Variants in TOPAZ1 observed in about 807,000 individuals in gnomAD.
TOPAZ1 encodes the protein protein TOPAZ1.
A neutral mutation model predicts 172.2 loss-of-function variants in TOPAZ1; 66 were observed. The observed-to-expected ratio is 0.38, with a 90% CI of 0.31 to 0.47. The LOEUF (loss-of-function observed/expected upper bound fraction) is 0.47, where lower values mean the gene tolerates loss of function less well. Among genes scored for constraint, TOPAZ1 ranks in the 20% least tolerant of loss-of-function variants. The pLI is 0.99. For synonymous variants in TOPAZ1, 681 were observed against 683.9 expected, an observed-to-expected ratio of 1.00 and a Z score of 0.07; for missense variants, 1,822 against 1,972.4, an observed-to-expected ratio of 0.92 and a Z score of 1.44.
At chr3:44,276,196 A>G (rs1241292864) in intron 8 of TOPAZ1, among the ~76,000 whole-genome samples, 3 of 152,280 alleles carry the variant, frequency 2.0e-5, no homozygotes, top group East Asian at 3.9e-4. Flanking sequence ...GGTTTAATAT[A>G]GTCCCATTTG....
intron 19 of TOPAZ1, among the ~76,000 whole-genome samples, chr3:44,330,453 C>G (rs1168241696): frequency 6.6e-6 from 1 of 152,226 alleles, no homozygotes; most frequent in Non-Finnish European, 1.5e-5. Flanking sequence ...ACATTTACCT[C>G]TCTCTATGAG....
chr3:44,308,776 T>C (rs1700364577), intron 15 of TOPAZ1, among the ~76,000 whole-genome samples: 1 of 152,216 alleles, frequency 6.6e-6, no homozygotes, highest in Non-Finnish European at 1.5e-5. Flanking sequence ...TATTACATAG[T>C]ATGAATTTTT....
At chr3:44,255,629 G>A (rs970557685) in intron 3 of TOPAZ1, among the ~76,000 whole-genome samples, 1 of 144,022 alleles carries the variant, frequency 6.9e-6, no homozygotes, top group African/African-American at 2.6e-5. Flanking sequence ...TCCAGCCTGG[G>A]CAACAGTGCG....
intron 12 of TOPAZ1, among the ~76,000 whole-genome samples, chr3:44,292,319 C>T (rs1700146861): frequency 6.6e-6 from 1 of 152,142 alleles, no homozygotes; most frequent in Non-Finnish European, 1.5e-5. Flanking sequence ...TATAATTCAT[C>T]CAGCATGTAG....
chr3:44,282,425 TCCCTATA>T lies in TOPAZ1; in HGVS notation c.3436+396_3436+402del, dbSNP rs1373905052. On this transcript the variant is annotated intron_variant, in intron 9 of 19. Coordinates refer to ENST00000309765, the MANE Select transcript of TOPAZ1 (RefSeq NM_001145030.2). Reference sequence around the variant, plus strand: ...TACCATCCAGTAAGTTCTGTGCAGTTCCCTATACATGCCAGGCTGTGTTCAAACTTCA... The same window carrying T: ...TACCATCCAGTAAGTTCTGTGCAGTTCATGCCAGGCTGTGTTCAAACTTCA... Among the ~76,000 whole-genome samples the T allele has an allele frequency of 3.9e-5, 6 of 152,186 alleles. No individual in the cohort carries two copies. In the East Asian group the frequency reaches 1.2e-3, roughly 29 times the overall value.
chr3:44,307,006 T>G (rs1700343085), intron 15 of TOPAZ1, among the ~76,000 whole-genome samples: 1 of 152,122 alleles, frequency 6.6e-6, no homozygotes, highest in Admixed American at 6.6e-5. Context: ...GACACATTTC[T>G]TTGTTTGTGG....
rs567430359 is a variant in TOPAZ1, at chr3:44,243,955, G to A, written c.1449G>A (p.Gln483=). ...SASEELKLSC[Q]RTIPMTGKRT... ...CTGAAGAATTGAAGTTAAGCTGTCA[G>A]AGAACAATACCTATGACTGGTAAAA... Residue 483 remains glutamine (Q), a synonymous_variant, in exon 2 of 20, where the codon CAG becomes CAA. Transcript: ENST00000309765. The A allele has an allele frequency of 1.9e-6, 3 of 1,552,340 alleles. No individual in the cohort carries two copies. The highest frequency in any genetic ancestry group is 2.7e-5 in the African/African-American group (2 of 73,182).
At position 44,243,352 on chromosome 3, in the gene TOPAZ1, A is replaced by G; in HGVS notation, c.846A>G (p.Gln282=). 6.4e-7 allele frequency: 1 copy of G among 1,551,114 alleles called. No individual in the cohort carries two copies. The highest frequency in any genetic ancestry group is 1.2e-5 in the South Asian group (1 of 83,834). Residue 282 remains glutamine, a synonymous_variant, in exon 2 of 20, where the codon CAA becomes CAG. Coordinates refer to ENST00000309765, the MANE Select transcript of TOPAZ1 (RefSeq NM_001145030.2). ...CAAATAGTATTCCTCAGCTCTTACAAACAGAAGAAAATGTAATGGGAGTAA... is the reference window on the plus strand; with the variant it reads ...CAAATAGTATTCCTCAGCTCTTACAGACAGAAGAAAATGTAATGGGAGTAA... The part of the protein sequence containing the change: ...SDTNSIPQLL[Q]TEENVMGVNK...
chr3:44,246,578 C>T lies in TOPAZ1; in HGVS notation c.2765+1307C>T, dbSNP rs185971731. ...TTTTTTTAACCATGTAATGAGGTAG[C>T]CTGGTAATCTGCCTGTTTTGAAGAT... is the stretch of plus-strand genomic sequence containing the variant. On this transcript the variant is annotated intron_variant, in intron 2 of 19. Transcript: ENST00000309765. 4.1e-3 allele frequency among the ~76,000 whole-genome samples: 622 copies of T among 152,102 alleles called. 9 individuals are homozygous for T. Among genetic ancestry groups the T allele is most frequent in the African/African-American group, 0.014 (594 of 41,484 alleles).
chr3:44,323,395 G>T (rs1700562835), intron 18 of TOPAZ1, 100 bp downstream of exon 18: 1 of 696,096 alleles, frequency 1.4e-6, no homozygotes, highest in Non-Finnish European at 2.2e-6. Flanking sequence ...TGTATTAAAA[G>T]AGCAGTAATA....
chr3:44,331,334 CT>C (rs10711072), intron 19 of TOPAZ1, among the ~76,000 whole-genome samples: 128,567 of 150,860 alleles, frequency 0.85, 54,922 homozygotes, highest in Middle Eastern at 0.93. Flanking sequence ...CATAATATGT[CT>C]TTTTTTTTTG....
chr3:44,320,816 CAA>C (rs907262066), intron 16 of TOPAZ1, among the ~76,000 whole-genome samples: 3 of 151,966 alleles, frequency 2.0e-5, no homozygotes, highest in African/African-American at 7.3e-5. Flanking sequence ...ATAAATATAA[CAA>C]AGTGGCCATT....
In TOPAZ1 at chr3:44,276,420, T is replaced by C. The variant is rs79467094; in HGVS notation, c.3373-5548T>C. 9.7e-3 allele frequency among the ~76,000 whole-genome samples: 1,478 copies of C among 152,198 alleles called. 29 individuals are homozygous for C. Among genetic ancestry groups the C allele is most frequent in the East Asian group, 0.034 (178 of 5,182 alleles). ...ATCTTAATTTTCCCAGCACCACTTA[T>C]TGAAGAGGGTCCTTTCCTTAATGTA... On this transcript the variant is annotated intron_variant, in intron 8 of 19. Transcript: ENST00000309765.
At chr3:44,309,686 A>C in intron 15 of TOPAZ1, 139 bp from the exon 16 acceptor site, 1 of 638,562 alleles carries the variant, frequency 1.6e-6, no homozygotes, top group Non-Finnish European at 2.7e-6. Flanking sequence ...GGCTTAAGGA[A>C]AGAGTCTTGG....
chr3:44,249,919 T>C (rs976078928), intron 2 of TOPAZ1, among the ~76,000 whole-genome samples: 1 of 152,174 alleles, frequency 6.6e-6, no homozygotes, highest in African/African-American at 2.4e-5. Context: ...GGAATTGATG[T>C]TGGTGATCAG....
At chr3:44,320,605 A>AAAAAG (rs542131667) in intron 16 of TOPAZ1, among the ~76,000 whole-genome samples, 3 of 152,216 alleles carry the variant, frequency 2.0e-5, no homozygotes, top group South Asian at 2.1e-4. Flanking sequence ...TCCATCTCAA[A>AAAAAG]AAAAGAAAAG....
At position 44,328,398 on chromosome 3, in the gene TOPAZ1, A is replaced by G. The variant is rs1465597642; in HGVS notation, c.4824A>G (p.Gly1608=). Residue 1608 remains glycine (G), a synonymous_variant, in exon 19 of 20, where the codon GGA becomes GGG. Coordinates refer to ENST00000309765, the MANE Select transcript of TOPAZ1 (RefSeq NM_001145030.2). ...ATGCTAGTAGTATTCAGAGTCCTGGAACTTCTACACAGATACTGCAGATAG... is the reference window on the plus strand; with the variant it reads ...ATGCTAGTAGTATTCAGAGTCCTGGGACTTCTACACAGATACTGCAGATAG... The part of the protein sequence containing the change: ...VSNASSIQSP[G]TSTQILQIVL... 2.4e-5 allele frequency: 36 copies of G among 1,521,844 alleles called. No homozygotes were observed. Among genetic ancestry groups the G allele is most frequent in the Non-Finnish European group, 2.9e-5 (33 of 1,137,498 alleles). 94.3% of individuals were successfully genotyped at this position (1,521,844 alleles called of 1,614,324 possible).
chr3:44,244,106 C>T lies in TOPAZ1; in HGVS notation c.1600C>T (p.His534Tyr). 6.4e-7 allele frequency: 1 copy of T among 1,551,692 alleles called. No homozygotes were observed. The highest frequency in any genetic ancestry group is 8.7e-7 in the Non-Finnish European group (1 of 1,146,962). ...ESCRQVDVPK[H>Y]QTNQTHLTDS... ...TTGTAGGCAAGTTGATGTCCCTAAA[C>T]ACCAAACAAACCAGACCCATTTAAC... The change falls in exon 2 of 20, where the codon CAC becomes TAC. Residue 534 changes from histidine (H) to tyrosine (Y), a missense_variant. His to Tyr is a moderately conservative substitution (Grantham distance 83, BLOSUM62 2). Coordinates refer to ENST00000309765, the MANE Select transcript of TOPAZ1 (RefSeq NM_001145030.2).
chr3:44,244,516 T>A lies in TOPAZ1; in HGVS notation c.2010T>A (p.Phe670Leu), dbSNP rs993822606. The A allele has an allele frequency of 2.1e-5, 33 of 1,551,392 alleles. No individual in the cohort carries two copies. The East Asian group carries it at 4.6e-4, about 22-fold the overall frequency. ...AAGCATGCATTGCTCAACAAACATT[T>A]ATAGTTCCAGACTTGGTTAAAATAT... is the stretch of plus-strand genomic sequence containing the variant. ...HRKACIAQQT[F>L]IVPDLVKILN... Residue 670 changes from phenylalanine to leucine, a missense_variant, in exon 2 of 20, where the codon TTT becomes TTA. Physicochemically the swap from Phe to Leu is conservative, Grantham distance 22 (BLOSUM62 0). Transcript: ENST00000309765.
Sources: gnomAD v4.1 joint callset for allele counts (sites outside exome capture counted in the v4.1 genomes callset) on GRCh38, gnomAD v4.1.1 for gene constraint, MANE v1.5 for transcripts, NCBI Gene and HGNC (gene_info 2026-07-23, HGNC 2026-07-21) for gene names.